Variants in CTNNA2 observed in about 807,000 individuals in gnomAD.
CTNNA2 encodes catenin alpha-2.
CTNNA2 carries 42 observed loss-of-function variants against 101.0 expected under a neutral mutation model. The observed-to-expected ratio is 0.42, with a 90% confidence interval of 0.32 to 0.54. The LOEUF is 0.54. Among genes scored for constraint, CTNNA2 ranks in the 20% least tolerant of loss-of-function variants. CTNNA2 has a pLI of 0.14. For missense variants in CTNNA2, 871 were observed against 1,223.1 expected (o/e 0.71, Z 4.29); for synonymous variants, 450 against 456.4 (o/e 0.99, Z 0.18).
intron 7 of CTNNA2, among the ~76,000 whole-genome samples, chr2:79,984,875 CA>C (rs1315953978): frequency 2.6e-5 from 4 of 152,138 alleles, no homozygotes; most frequent in African/African-American, 9.7e-5. Context: ...GGAGGTTTCC[CA>C]TCACCTATAG....
chr2:80,019,519 G>GA, intron 7 of CTNNA2, among the ~76,000 whole-genome samples: 1 of 152,270 alleles, frequency 6.6e-6, no homozygotes, highest in South Asian at 2.1e-4. Context: ...TCAGTTTACT[G>GA]AAGCTAACCA....
chr2:80,224,979 G>A (rs2165975), intron 7 of CTNNA2, among the ~76,000 whole-genome samples: 30,522 of 152,114 alleles, frequency 0.2, 4,265 homozygotes, highest in African/African-American at 0.39. Context: ...AGAAAACTCA[G>A]CCTGCTGCAT....
intron 7 of CTNNA2, among the ~76,000 whole-genome samples, chr2:79,974,618 T>A (rs1245446848): frequency 6.6e-6 from 1 of 152,176 alleles, no homozygotes; most frequent in Non-Finnish European, 1.5e-5. Context: ...TTTCTAATAT[T>A]ATTTGATTCA....
At chr2:80,509,164 T>C (rs898444146) in intron 9 of CTNNA2, among the ~76,000 whole-genome samples, 3 of 152,210 alleles carry the variant, frequency 2.0e-5, no homozygotes, top group African/African-American at 7.2e-5. Flanking sequence ...AAGTACTCTT[T>C]GAATTTTTAT....
At chr2:80,252,715 T>C (rs77317866) in intron 7 of CTNNA2, among the ~76,000 whole-genome samples, 8,932 of 152,252 alleles carry the variant, frequency 0.059, 444 homozygotes, top group South Asian at 0.29. Context: ...AGGTGCTTTT[T>C]ACCATGACTA....
chr2:80,177,985 T>C (rs892193604), intron 7 of CTNNA2, among the ~76,000 whole-genome samples: 1 of 152,234 alleles, frequency 6.6e-6, no homozygotes, highest in African/African-American at 2.4e-5. Context: ...AAAGGGGCTG[T>C]AGTGCTGCAG....
intron 12 of CTNNA2, among the ~76,000 whole-genome samples, chr2:80,556,430 G>A (rs1215407633): frequency 6.6e-6 from 1 of 152,190 alleles, no homozygotes; most frequent in Non-Finnish European, 1.5e-5. Context: ...GGTGGTGGCT[G>A]CTGACAAAGA....
chr2:79,470,394 C>T (rs1434617813), intron 4 of CTNNA2, among the ~76,000 whole-genome samples: 2 of 152,084 alleles, frequency 1.3e-5, no homozygotes, highest in African/African-American at 4.8e-5. Context: ...TCCAAAGTAG[C>T]CCAGAGGTAA....
chr2:79,961,695 G>A (rs1161498044), intron 7 of CTNNA2, among the ~76,000 whole-genome samples: 2 of 151,938 alleles, frequency 1.3e-5, no homozygotes, highest in East Asian at 1.9e-4. Flanking sequence ...GGTGGCGGGC[G>A]CCTGTAGTCC....
At chr2:79,706,226 G>A (rs534446622) in intron 2 of CTNNA2, among the ~76,000 whole-genome samples, 100 of 152,092 alleles carry the variant, frequency 6.6e-4, no homozygotes, top group African/African-American at 2.2e-3. Flanking sequence ...ATGCGGGCGT[G>A]GTGGCGGGCG....
chr2:79,242,406 C>A (rs771019796), intron 2 of CTNNA2, among the ~76,000 whole-genome samples: 4 of 151,902 alleles, frequency 2.6e-5, no homozygotes, highest in African/African-American at 4.8e-5. Context: ...TTTGGGGAAA[C>A]CTAATTCGAA....
intron 7 of CTNNA2, among the ~76,000 whole-genome samples, chr2:80,180,958 A>G (rs1212144907): frequency 1.3e-5 from 2 of 152,212 alleles, no homozygotes; most frequent in African/African-American, 4.8e-5. Flanking sequence ...AAATCAATAA[A>G]TTCAGCCTGA....
At chr2:80,406,335 GA>G (rs71669400) in intron 8 of CTNNA2, among the ~76,000 whole-genome samples, 10,530 of 129,412 alleles carry the variant, frequency 0.081, 867 homozygotes, top group African/African-American at 0.22. Context: ...ACTCCTTCTC[GA>G]AAAAAAAAAA....
intron 7 of CTNNA2, among the ~76,000 whole-genome samples, chr2:80,008,628 A>G (rs2104004064): frequency 6.6e-6 from 1 of 152,294 alleles, no homozygotes; most frequent in Non-Finnish European, 1.5e-5. Flanking sequence ...ATGTTTAGGT[A>G]GAGGGTCTAC....
chr2:79,551,146 C>T (rs1181305129), intron 1 of CTNNA2, among the ~76,000 whole-genome samples: 1 of 152,154 alleles, frequency 6.6e-6, no homozygotes, highest in African/African-American at 2.4e-5. Flanking sequence ...TGAGGTGAGT[C>T]TCTACCAAAT....
chr2:79,248,385 A>G (rs936834327), intron 2 of CTNNA2, among the ~76,000 whole-genome samples: 8 of 151,622 alleles, frequency 5.3e-5, no homozygotes, highest in Admixed American at 3.3e-4. Flanking sequence ...TCAAAAAAGT[A>G]TAATTTCTAT....
chr2:79,541,010 G>C (rs1673375622), intron 1 of CTNNA2, among the ~76,000 whole-genome samples: 1 of 152,100 alleles, frequency 6.6e-6, no homozygotes, highest in South Asian at 2.1e-4. Context: ...TGATTGGTTT[G>C]CTTGTGATTT....
At chr2:80,386,546 G>A (rs1005503115) in intron 7 of CTNNA2, among the ~76,000 whole-genome samples, 2 of 152,176 alleles carry the variant, frequency 1.3e-5, no homozygotes, top group Non-Finnish European at 2.9e-5. Context: ...AAATGATAGT[G>A]TGACTGTTGG....
At chr2:79,924,094 A>G (rs1686859121) in intron 7 of CTNNA2, among the ~76,000 whole-genome samples, 1 of 152,132 alleles carries the variant, frequency 6.6e-6, no homozygotes, top group African/African-American at 2.4e-5. Context: ...ATGGATAAAG[A>G]AAATGTGATG....
Sources: allele counts gnomAD v4.1 joint callset (sites outside exome capture counted in the v4.1 genomes callset), GRCh38; gene constraint gnomAD v4.1.1; transcripts MANE v1.5; gene names NCBI Gene and HGNC (gene_info 2026-07-23, HGNC 2026-07-21).